SEMA5A: variants seen among roughly 807,000 people sequenced by gnomAD.
SEMA5A encodes the protein semaphorin 5A.
In SEMA5A, 55 loss-of-function variants were observed where a neutral mutation model predicts 135.5. The ratio of observed to expected loss-of-function variants is 0.41; its 90% CI spans 0.33 to 0.51. The LOEUF (loss-of-function observed/expected upper bound fraction) is 0.51, where lower values mean the gene tolerates loss of function less well. Ranked by LOEUF, SEMA5A falls within the 20% of genes least tolerant of loss-of-function variation. The probability of loss-of-function intolerance (pLI) is 0.37; values close to 1 mark genes in which losing one functional copy is unlikely to be tolerated. For synonymous variants in SEMA5A, 580 were observed against 546.5 expected, an observed-to-expected ratio of 1.06 and a Z score of -0.85; for missense variants, 1,290 against 1,419.9, an observed-to-expected ratio of 0.91 and a Z score of 1.47.
chr5:9,461,417 T>C (rs1429550644), intron 1 of SEMA5A, among the ~76,000 whole-genome samples: 1 of 152,186 alleles, frequency 6.6e-6, no homozygotes, highest in Non-Finnish European at 1.5e-5. Context: ...CCTGAAAACC[T>C]CAGCTTGCCC....
intron 3 of SEMA5A, among the ~76,000 whole-genome samples, chr5:9,375,459 C>A (rs1755326373): frequency 1.3e-5 from 2 of 151,814 alleles, no homozygotes; most frequent in South Asian, 4.2e-4. Flanking sequence ...CCAAACATTG[C>A]TGACAATCAT....
At chr5:9,043,126 A>G (rs1579290251) in intron 22 of SEMA5A, 110 bp from the exon 23 acceptor site, 1 of 922,894 alleles carries the variant, frequency 1.1e-6, no homozygotes, top group Non-Finnish European at 1.6e-6. Flanking sequence ...CTAAGACTCC[A>G]TATTTTAAAA....
At chr5:9,254,557 T>G (rs1748964916) in intron 5 of SEMA5A, among the ~76,000 whole-genome samples, 1 of 152,128 alleles carries the variant, frequency 6.6e-6, no homozygotes, top group African/African-American at 2.4e-5. Context: ...AATAAGCAGA[T>G]CTTGAAGCTG....
chr5:9,216,813 T>C (rs1411031172), intron 8 of SEMA5A, among the ~76,000 whole-genome samples: 4 of 152,222 alleles, frequency 2.6e-5, no homozygotes, highest in Non-Finnish European at 4.4e-5. Flanking sequence ...CCTGCCTTTT[T>C]CTCTTTTCCA....
chr5:9,526,396 G>A (rs971270522), intron 1 of SEMA5A, among the ~76,000 whole-genome samples: 3 of 152,156 alleles, frequency 2.0e-5, no homozygotes, highest in African/African-American at 7.2e-5. Context: ...ACATATATAA[G>A]AGCTGTCACA....
chr5:9,231,911 A>G (rs921945742), intron 6 of SEMA5A, among the ~76,000 whole-genome samples: 4 of 152,220 alleles, frequency 2.6e-5, no homozygotes, highest in African/African-American at 9.7e-5. Flanking sequence ...TAGGGTTGAT[A>G]ATGAGAGTCA....
chr5:9,384,611 G>GATAGATAC (rs1352933142), intron 2 of SEMA5A, among the ~76,000 whole-genome samples: 1 of 73,536 alleles, frequency 1.4e-5, no homozygotes, highest in African/African-American at 5.4e-5. Flanking sequence ...TAGATAGATA[G>GATAGATAC]ATAGATACAT....
chr5:9,357,080 G>A (rs899992095), intron 3 of SEMA5A, among the ~76,000 whole-genome samples: 14 of 152,128 alleles, frequency 9.2e-5, no homozygotes, highest in African/African-American at 3.1e-4. Flanking sequence ...CCTACCTGAA[G>A]GTCACATGCA....
intron 1 of SEMA5A, among the ~76,000 whole-genome samples, chr5:9,516,078 C>G (rs1417408500): frequency 6.6e-6 from 1 of 152,186 alleles, no homozygotes; most frequent in African/African-American, 2.4e-5. Context: ...TTTAACTGAA[C>G]AAATTTACTG....
chr5:9,244,421 T>TA (rs1227934774), intron 5 of SEMA5A, among the ~76,000 whole-genome samples: 7 of 152,216 alleles, frequency 4.6e-5, no homozygotes. Context: ...CCTGTGGACT[T>TA]ACTGGCCCCA....
chr5:9,050,325 G>A (rs2150040235), intron 21 of SEMA5A, 85 bp downstream of exon 21: 1 of 1,315,442 alleles, frequency 7.6e-7, no homozygotes, highest in South Asian at 1.5e-5. Context: ...CCAAGAGGCA[G>A]AAAAATTATA....
At chr5:9,086,903 T>C (rs1738726379) in intron 16 of SEMA5A, among the ~76,000 whole-genome samples, 1 of 152,226 alleles carries the variant, frequency 6.6e-6, no homozygotes, top group African/African-American at 2.4e-5. Context: ...TTTTATTTTC[T>C]TTTTTGCTAC....
intron 3 of SEMA5A, among the ~76,000 whole-genome samples, chr5:9,373,635 G>T (rs546468154): frequency 6.6e-6 from 1 of 152,154 alleles, no homozygotes; most frequent in African/African-American, 2.4e-5. Flanking sequence ...GATAAAGATC[G>T]CTGGGACCTG....
At chr5:9,114,980 C>T (rs1484455415) in intron 15 of SEMA5A, among the ~76,000 whole-genome samples, 8 of 152,170 alleles carry the variant, frequency 5.3e-5, no homozygotes. Context: ...CTCTCAACTG[C>T]ATCAGATCAC....
At chr5:9,227,206 G>GTAT (rs1747362249) in intron 6 of SEMA5A, among the ~76,000 whole-genome samples, 1 of 152,124 alleles carries the variant, frequency 6.6e-6, no homozygotes, top group African/African-American at 2.4e-5. Flanking sequence ...TTTAATTGCT[G>GTAT]TATCTGCACC....
chr5:9,159,863 T>C (rs1579508920), intron 11 of SEMA5A, among the ~76,000 whole-genome samples: 1 of 152,148 alleles, frequency 6.6e-6, no homozygotes, highest in Non-Finnish European at 1.5e-5. Context: ...CATGGAATAC[T>C]ACGCAGCCAT....
chr5:9,268,407 C>T (rs1749791271), intron 5 of SEMA5A, among the ~76,000 whole-genome samples: 1 of 152,096 alleles, frequency 6.6e-6, no homozygotes, highest in South Asian at 2.1e-4. Context: ...ATAAGACCAC[C>T]CATTCACTGA....
At chr5:9,390,175 G>A (rs1320011550) in intron 2 of SEMA5A, among the ~76,000 whole-genome samples, 9 of 152,136 alleles carry the variant, frequency 5.9e-5, no homozygotes, top group Non-Finnish European at 1.2e-4. Flanking sequence ...GATTCCCATG[G>A]TTTTGAAAAA....
At chr5:9,087,892 C>A (rs1738792077) in intron 16 of SEMA5A, among the ~76,000 whole-genome samples, 2 of 152,194 alleles carry the variant, frequency 1.3e-5, no homozygotes, top group African/African-American at 4.8e-5. Flanking sequence ...GGAAACATTG[C>A]AAAATTTAAG....
Sources: gnomAD v4.1 joint callset for allele counts (sites outside exome capture counted in the v4.1 genomes callset) on GRCh38, gnomAD v4.1.1 for gene constraint, MANE v1.5 for transcripts, NCBI Gene and HGNC (gene_info 2026-07-23, HGNC 2026-07-21) for gene names.